Variants in ARHGAP32 observed in about 807,000 individuals in gnomAD.
The protein encoded by ARHGAP32 is rho GTPase-activating protein 32.
A neutral mutation model predicts 186.5 loss-of-function variants in ARHGAP32; 51 were observed. The ratio of observed to expected loss-of-function variants is 0.27; its 90% CI spans 0.22 to 0.35. The LOEUF (loss-of-function observed/expected upper bound fraction) is 0.35. Among genes scored for constraint, ARHGAP32 ranks in the 10% least tolerant of loss-of-function variants. ARHGAP32 has a pLI of 1.00. For missense variants in ARHGAP32, 2,186 were observed against 2,623.5 expected (o/e 0.83, Z 3.64); for synonymous variants, 950 against 964.3 (o/e 0.99, Z 0.27).
chr11:129,016,249 T>A (rs1388240910), intron 11 of ARHGAP32, among the ~76,000 whole-genome samples: 3 of 152,154 alleles, frequency 2.0e-5, no homozygotes, highest in Non-Finnish European at 4.4e-5. Flanking sequence ...TGAATAAGAA[T>A]TCTTCACATA....
chr11:129,207,854 AT>A (rs1248847480), intron 1 of ARHGAP32, among the ~76,000 whole-genome samples: 2 of 152,222 alleles, frequency 1.3e-5, no homozygotes, highest in Non-Finnish European at 2.9e-5. Flanking sequence ...CTTGCAACAT[AT>A]TAAGAATGTA....
In ARHGAP32 at chr11:128,976,652, C is replaced by A. The variant is rs665619; in HGVS notation, c.2123-18G>T. ...CCTGCCACCTGAAGAATAAAAAACA[C>A]ATAGTGTGAAGATTTCTTATTTGTT... On this transcript the variant is annotated intron_variant, in intron 19 of 22. Coordinates refer to ENST00000682385, the MANE Select transcript of ARHGAP32 (RefSeq NM_001378024.1). 1,068,533 of 1,604,938 alleles carry A rather than the reference C, an allele frequency of 0.67. 359,279 individuals carry two copies. Among genetic ancestry groups the A allele is most frequent in the Non-Finnish European group, 0.69 (813,930 of 1,172,032 alleles).
intron 2 of ARHGAP32, among the ~76,000 whole-genome samples, chr11:129,150,190 A>C (rs1034867653): frequency 2.6e-5 from 4 of 151,640 alleles, no homozygotes; most frequent in African/African-American, 9.7e-5. Flanking sequence ...GCCAAACCTA[A>C]GAAAAATAGG....
At chr11:129,252,655 G>A (rs1401302611) in intron 1 of ARHGAP32, among the ~76,000 whole-genome samples, 2 of 152,158 alleles carry the variant, frequency 1.3e-5, no homozygotes, top group Non-Finnish European at 2.9e-5. Flanking sequence ...TTTGCTACGT[G>A]AATTTGCATT....
chr11:129,173,772 C>A (rs1212984344), intron 1 of ARHGAP32, among the ~76,000 whole-genome samples: 1 of 152,110 alleles, frequency 6.6e-6, no homozygotes, highest in Non-Finnish European at 1.5e-5. Flanking sequence ...TTGAAAAACA[C>A]AAATACAGCT....
chr11:129,071,125 G>C (rs1002385696), intron 6 of ARHGAP32, among the ~76,000 whole-genome samples: 1 of 151,880 alleles, frequency 6.6e-6, no homozygotes, highest in Non-Finnish European at 1.5e-5. Context: ...AAAATTCCTT[G>C]AATGTATACT....
At chr11:129,159,534 T>A (rs1423178777) in intron 2 of ARHGAP32, among the ~76,000 whole-genome samples, 1 of 151,894 alleles carries the variant, frequency 6.6e-6, no homozygotes. Context: ...GTCGAATCCC[T>A]GAACAGACCA....
chr11:129,075,537 T>A (rs898745058), intron 6 of ARHGAP32, among the ~76,000 whole-genome samples: 3 of 152,114 alleles, frequency 2.0e-5, no homozygotes, highest in Admixed American at 6.5e-5. Context: ...ACAGTTGTAA[T>A]TATTTAACAC....
chr11:129,128,698 C>T (rs1391076570), intron 2 of ARHGAP32, among the ~76,000 whole-genome samples: 1 of 151,980 alleles, frequency 6.6e-6, no homozygotes, highest in East Asian at 1.9e-4. Context: ...ATTCTCCTGC[C>T]TCAGCCTGCA....
intron 5 of ARHGAP32, among the ~76,000 whole-genome samples, chr11:129,099,182 C>T (rs1178372778): frequency 1.3e-5 from 2 of 152,096 alleles, no homozygotes; most frequent in African/African-American, 4.8e-5. Context: ...GGCAGAATAA[C>T]AAAGTAACAT....
chr11:129,023,800 G>T, intron 11 of ARHGAP32: 1 of 772,096 alleles, frequency 1.3e-6, no homozygotes, highest in Non-Finnish European at 1.6e-6. Flanking sequence ...TAGTTTCAGT[G>T]AAAAATTCTG....
intron 1 of ARHGAP32, among the ~76,000 whole-genome samples, chr11:129,201,410 T>C (rs1944453211): frequency 6.6e-6 from 1 of 152,158 alleles, no homozygotes; most frequent in East Asian, 1.9e-4. Context: ...ATAATCATCA[T>C]CTCATGTAAA....
intron 1 of ARHGAP32, among the ~76,000 whole-genome samples, chr11:129,177,424 C>T (rs1239324253): frequency 6.6e-6 from 1 of 152,176 alleles, no homozygotes; most frequent in East Asian, 1.9e-4. Context: ...GGAATCCTCC[C>T]TAACTCATTT....
At chr11:129,088,602 T>C (rs892769300) in intron 6 of ARHGAP32, among the ~76,000 whole-genome samples, 1 of 152,040 alleles carries the variant, frequency 6.6e-6, no homozygotes, top group Admixed American at 6.5e-5. Flanking sequence ...ATCAATAAAA[T>C]AGAGCCTTGA....
At position 129,132,346 on chromosome 11, in the gene ARHGAP32, G is replaced by T. The variant is rs906579670; in HGVS notation, c.226-7452C>A. Reference sequence around the variant, plus strand: ...TATTTAAATGTTAGCCAGGCATGGTGGCATGTGCCTGTAGTTGCAGCTACT... The same window carrying T: ...TATTTAAATGTTAGCCAGGCATGGTTGCATGTGCCTGTAGTTGCAGCTACT... On this transcript the variant is annotated intron_variant, in intron 2 of 22. Transcript: ENST00000682385. 3.3e-5 allele frequency among the ~76,000 whole-genome samples: 5 copies of T among 152,230 alleles called. No homozygotes were observed. In the South Asian group the frequency reaches 1.0e-3, roughly 32 times the overall value.
chr11:129,092,790 G>A (rs1427870579), intron 6 of ARHGAP32, among the ~76,000 whole-genome samples: 1 of 151,762 alleles, frequency 6.6e-6, no homozygotes, highest in African/African-American at 2.4e-5. Flanking sequence ...AATACTTTTT[G>A]AGAAAAAATA....
intron 1 of ARHGAP32, among the ~76,000 whole-genome samples, chr11:129,229,019 G>A (rs1944822567): frequency 1.3e-5 from 2 of 152,090 alleles, no homozygotes; most frequent in Non-Finnish European, 2.9e-5. Flanking sequence ...ACCCTAGGAC[G>A]CAGAACAAGG....
intron 19 of ARHGAP32, among the ~76,000 whole-genome samples, chr11:128,977,382 G>A (rs1348929121): frequency 6.6e-6 from 1 of 152,092 alleles, no homozygotes; most frequent in Non-Finnish European, 1.5e-5. Context: ...CCCCTGCTGA[G>A]GATAGCATGC....
Position 128,969,127 on chromosome 11 carries a change from C to T in ARHGAP32, c.6086G>A (p.Ser2029Asn). The change falls in exon 23 of 23, where the codon AGC becomes AAC. Residue 2029 changes from serine (S) to asparagine (N), a missense_variant. Around this residue, in one of 5 missense-constraint regions of ARHGAP32, gnomAD observed 1,502 missense variants for 1,570.0 expected, o/e 0.96. Coordinates refer to ENST00000682385, the MANE Select transcript of ARHGAP32 (RefSeq NM_001378024.1). The surrounding 1 kb of genome is among the most constrained non-coding windows in gnomAD (Gnocchi z 4.8). ...ATACTGGGACACAACAGTCACACTG[C>T]TCTGGCGCTTGCCGTGTGGTTGGTA... Reference protein sequence around the residue: ...YQYQPHGKRQSSVTVVSQYDN... With the variant: ...YQYQPHGKRQNSVTVVSQYDN... 3 of 1,606,286 alleles carry T rather than the reference C, an allele frequency of 1.9e-6. No individual in the cohort carries two copies. Among genetic ancestry groups the T allele is most frequent in the South Asian group, 1.1e-5 (1 of 90,000 alleles).
Sources: allele counts gnomAD v4.1 joint callset (sites outside exome capture counted in the v4.1 genomes callset), GRCh38; gene constraint gnomAD v4.1.1; regional missense constraint gnomAD v4.1.1; non-coding constraint Gnocchi (gnomAD v3.1); transcripts MANE v1.5; gene names NCBI Gene and HGNC (gene_info 2026-07-23, HGNC 2026-07-21).